Variants in CHCHD6 observed in about 807,000 individuals in gnomAD.
The protein encoded by CHCHD6 is coiled-coil-helix-coiled-coil-helix domain containing 6, also known as MICOS complex subunit MIC25.
CHCHD6 carries 28 observed loss-of-function variants against 32.3 expected under a neutral mutation model. The observed-to-expected ratio is 0.87, with a 90% CI of 0.64 to 1.19. The LOEUF (loss-of-function observed/expected upper bound fraction) is 1.19. Ranked by LOEUF, CHCHD6 falls within the 50% of genes most tolerant of loss-of-function variation. The pLI is 0.00. For missense variants in CHCHD6, 333 were observed against 307.0 expected (o/e 1.08, Z -0.63); for synonymous variants, 122 against 117.5 (o/e 1.04, Z -0.25).
At chr3:126,716,658 A>G (rs532145847) in intron 1 of CHCHD6, among the ~76,000 whole-genome samples, 3 of 152,252 alleles carry the variant, frequency 2.0e-5, no homozygotes, top group South Asian at 4.1e-4. Flanking sequence ...AGCCCTGAAG[A>G]TACAGCAGGA....
At chr3:126,958,815 T>G (rs1433950599) in intron 7 of CHCHD6, among the ~76,000 whole-genome samples, 2 of 152,198 alleles carry the variant, frequency 1.3e-5, no homozygotes, top group African/African-American at 2.4e-5. Context: ...CAGGAGGCGC[T>G]GGGGCACTGG....
At chr3:126,905,207 T>TC (rs879522524) in intron 5 of CHCHD6, among the ~76,000 whole-genome samples, 17 of 152,172 alleles carry the variant, frequency 1.1e-4, no homozygotes, top group Middle Eastern at 3.4e-3. Flanking sequence ...CCCAAGCGGG[T>TC]CCCAGTCTAA....
intron 4 of CHCHD6, among the ~76,000 whole-genome samples, chr3:126,769,100 G>A (rs1160074431): frequency 6.6e-6 from 1 of 152,094 alleles, no homozygotes; most frequent in African/African-American, 2.4e-5. Context: ...TCTTTGTTGC[G>A]AAATATTTGC....
chr3:126,706,633 G>A (rs1934501212), intron 1 of CHCHD6, among the ~76,000 whole-genome samples: 1 of 152,100 alleles, frequency 6.6e-6, no homozygotes, highest in Non-Finnish European at 1.5e-5. Context: ...ACAGCCCCAC[G>A]TTATGAGAGC....
intron 6 of CHCHD6, among the ~76,000 whole-genome samples, chr3:126,921,394 C>T (rs115675311): frequency 2.3e-4 from 35 of 152,172 alleles, no homozygotes; most frequent in African/African-American, 7.7e-4. Context: ...CCCCCGCCCA[C>T]CCACCTCACA....
At chr3:126,744,873 A>G (rs1409726337) in intron 4 of CHCHD6, among the ~76,000 whole-genome samples, 5 of 152,144 alleles carry the variant, frequency 3.3e-5, no homozygotes, top group Non-Finnish European at 7.4e-5. Context: ...TTTTTAGTAG[A>G]GACAGGGTTT....
intron 5 of CHCHD6, among the ~76,000 whole-genome samples, chr3:126,895,693 A>G (rs1426644149): frequency 1.3e-5 from 2 of 152,194 alleles, no homozygotes; most frequent in African/African-American, 4.8e-5. Context: ...TGGTTGCAGG[A>G]GGGTGTGACT....
chr3:126,731,550 C>T (rs1935804898), intron 3 of CHCHD6, among the ~76,000 whole-genome samples: 1 of 152,192 alleles, frequency 6.6e-6, no homozygotes, highest in South Asian at 2.1e-4. Context: ...ACCTGGCCTA[C>T]AGAGTTCTCA....
intron 4 of CHCHD6, among the ~76,000 whole-genome samples, chr3:126,799,993 A>G (rs779705150): frequency 2.0e-5 from 3 of 152,188 alleles, no homozygotes; most frequent in Non-Finnish European, 4.4e-5. Context: ...GGATATGCAT[A>G]ATTTATTTAA....
intron 5 of CHCHD6, among the ~76,000 whole-genome samples, chr3:126,901,335 C>T (rs190012444): frequency 1.3e-5 from 2 of 152,334 alleles, no homozygotes; most frequent in East Asian, 3.9e-4. Flanking sequence ...TCCCAGCAGT[C>T]GTCCTAAGTT....
chr3:126,820,382 AATC>A (rs1169261133), intron 4 of CHCHD6, among the ~76,000 whole-genome samples: 2 of 152,234 alleles, frequency 1.3e-5, no homozygotes, highest in East Asian at 3.9e-4. Context: ...ACCCTCTTCT[AATC>A]ATTACTCTCC....
At chr3:126,898,611 T>C (rs982218598) in intron 5 of CHCHD6, among the ~76,000 whole-genome samples, 4 of 152,202 alleles carry the variant, frequency 2.6e-5, no homozygotes, top group African/African-American at 9.6e-5. Context: ...CGATCTCAGC[T>C]CACTGCAACC....
intron 5 of CHCHD6, among the ~76,000 whole-genome samples, chr3:126,885,119 A>G (rs991824226): frequency 2.0e-5 from 3 of 152,180 alleles, no homozygotes. Flanking sequence ...TGCTGTGCCC[A>G]TTCCAGGGTG....
chr3:126,758,509 G>A (rs982612790), intron 4 of CHCHD6, among the ~76,000 whole-genome samples: 6 of 152,232 alleles, frequency 3.9e-5, no homozygotes, highest in Non-Finnish European at 8.8e-5. Flanking sequence ...GATGAGTTGG[G>A]AAAATGGATG....
At chr3:126,868,196 G>A (rs1440631803) in intron 5 of CHCHD6, among the ~76,000 whole-genome samples, 1 of 152,228 alleles carries the variant, frequency 6.6e-6, no homozygotes, top group Non-Finnish European at 1.5e-5. Context: ...CTCAGGTCCT[G>A]GTCAACACCT....
chr3:126,870,121 C>A (rs2077445097), intron 5 of CHCHD6, among the ~76,000 whole-genome samples: 1 of 152,166 alleles, frequency 6.6e-6, no homozygotes, highest in Admixed American at 6.5e-5. Flanking sequence ...AGCCTCAATT[C>A]CTCATTCTTA....
At chr3:126,873,651 A>G (rs1227148947) in intron 5 of CHCHD6, among the ~76,000 whole-genome samples, 2 of 152,334 alleles carry the variant, frequency 1.3e-5, no homozygotes, top group East Asian at 3.9e-4. Context: ...CCTGCTAGGC[A>G]TCACCACTGA....
intron 5 of CHCHD6, among the ~76,000 whole-genome samples, chr3:126,906,605 T>C (rs2078010678): frequency 2.0e-5 from 3 of 152,224 alleles, no homozygotes; most frequent in African/African-American, 7.2e-5. Flanking sequence ...TTCTGCCCAG[T>C]GTCAGCCGGG....
At chr3:126,931,947 C>T (rs2078412712) in intron 6 of CHCHD6, among the ~76,000 whole-genome samples, 1 of 152,180 alleles carries the variant, frequency 6.6e-6, no homozygotes, top group African/African-American at 2.4e-5. Flanking sequence ...CTCAGCTAGG[C>T]TGACGCATCC....
Sources: allele counts gnomAD v4.1 joint callset (sites outside exome capture counted in the v4.1 genomes callset), GRCh38; gene constraint gnomAD v4.1.1; transcripts MANE v1.5; gene names NCBI Gene and HGNC (gene_info 2026-07-23, HGNC 2026-07-21).